The following CLCA4 variants were observed in gnomAD, a reference collection of about 807,000 sequenced individuals.
The protein encoded by CLCA4 is calcium-activated chloride channel regulator 4.
CLCA4 carries 69 observed loss-of-function variants against 78.9 expected under a neutral mutation model. That is an observed-to-expected ratio of 0.87 (90% CI 0.72 to 1.07). CLCA4 has a LOEUF of 1.07. Ranked by LOEUF, CLCA4 falls within the 50% of genes least tolerant of loss-of-function variation. The probability of loss-of-function intolerance (pLI) is 0.00; values close to 1 mark genes in which losing one functional copy is unlikely to be tolerated. For missense variants in CLCA4, 1,133 were observed against 1,095.8 expected, an observed-to-expected ratio of 1.03 and a Z score of -0.48; for synonymous variants, 362 against 375.8, an observed-to-expected ratio of 0.96 and a Z score of 0.42.
Position 86,565,826 on chromosome 1 carries a change from A to T in CLCA4, c.760A>T (p.Thr254Ser). ...GGTTGTTGAATTTTGTAACGAAAAA[A>T]CCCATAATCAAGAAGCTCCAAGCCT... ...DSVVEFCNEK[T>S]HNQEAPSLQN... Residue 254 changes from threonine to serine, a missense_variant, in exon 6 of 14, where the codon ACC becomes TCC. Physicochemically the swap from Thr to Ser is moderately conservative, Grantham distance 58. Coordinates refer to ENST00000370563, the MANE Select transcript of CLCA4 (RefSeq NM_012128.4). 1.3e-6 allele frequency: 2 copies of T among 1,538,648 alleles called. No individual in the cohort carries two copies. Among genetic ancestry groups the T allele is most frequent in the Non-Finnish European group, 1.7e-6 (2 of 1,143,514 alleles).
At chr1:86,574,930 T>C (rs1179880503) in intron 10 of CLCA4, among the ~76,000 whole-genome samples, 175 bp downstream of exon 10, 14 of 152,028 alleles carry the variant, frequency 9.2e-5, no homozygotes, top group Non-Finnish European at 5.9e-5. Flanking sequence ...AAAGAACTTA[T>C]ATATCAAGAA....
Position 86,579,462 on chromosome 1 carries a change from T to C in CLCA4, c.2231T>C (p.Val744Ala). The C allele has an allele frequency of 6.2e-7, 1 of 1,613,290 alleles. No homozygotes were observed. Among genetic ancestry groups the C allele is most frequent in the South Asian group, 1.1e-5 (1 of 91,072 alleles). The change falls in exon 13 of 14, where the codon GTC becomes GCC. Residue 744 changes from valine to alanine, a missense_variant. Coordinates refer to ENST00000370563, the MANE Select transcript of CLCA4 (RefSeq NM_012128.4). ...GGAGGTGCATTTGTGGTATCACAAG[T>C]CCCAAGCCTTCCCTTGCCTGACCAA... ...ASGGAFVVSQ[V>A]PSLPLPDQYP...
At chr1:86,554,907 A>C (rs928050519) in intron 1 of CLCA4, among the ~76,000 whole-genome samples, 1 of 151,128 alleles carries the variant, frequency 6.6e-6, no homozygotes, top group African/African-American at 2.4e-5. Flanking sequence ...AACTGGTATG[A>C]GATGATATCT....
Position 86,563,669 on chromosome 1 carries a change from T to C in CLCA4, c.457T>C (p.Phe153Leu). 1 of 1,569,342 alleles carries C rather than the reference T, an allele frequency of 6.4e-7. No individual in the cohort carries two copies. The highest frequency in any genetic ancestry group is 2.3e-5 in the East Asian group (1 of 43,544). The change falls in exon 4 of 14, where the codon TTT becomes CTT. Residue 153 changes from phenylalanine to leucine, a missense_variant. Phe to Leu is a conservative substitution (Grantham distance 22). Transcript: ENST00000370563. ...GAAATGCTTTCCCACAGGCAAACTGTTTGTCCATGAGTGGGCTCACCTCCG... is the reference window on the plus strand; with the variant it reads ...GAAATGCTTTCCCACAGGCAAACTGCTTGTCCATGAGTGGGCTCACCTCCG... ...QNEYGPPGKLFVHEWAHLRWG... is the reference protein window; with the variant it reads ...QNEYGPPGKLLVHEWAHLRWG...
At chr1:86,558,010 C>T (rs973617510) in intron 1 of CLCA4, among the ~76,000 whole-genome samples, 4 of 151,742 alleles carry the variant, frequency 2.6e-5, no homozygotes, top group African/African-American at 9.7e-5. Flanking sequence ...AGGATTACAA[C>T]CCCTGCTTTT....
At position 86,551,469 on chromosome 1, in the gene CLCA4, G is replaced by A. The variant is rs182289989; in HGVS notation, c.159+4191G>A. On this transcript the variant is annotated intron_variant, in intron 1 of 13. Transcript: ENST00000370563. ...ACAGGAAACACAAGAGGGGTGAGGC[G>A]GGGCAGGAGAGGAAGGTTGCAGGCA... Among the ~76,000 whole-genome samples, 171 of 152,256 alleles carry A rather than the reference G, an allele frequency of 1.1e-3. 2 individuals carry two copies. Among genetic ancestry groups the A allele is most frequent in the Non-Finnish European group, 2.6e-4 (18 of 68,010 alleles).
chr1:86,577,783 G>A (rs1650562694), intron 11 of CLCA4, 119 bp from the exon 12 acceptor site: 1 of 713,252 alleles, frequency 1.4e-6, no homozygotes, highest in African/African-American at 1.8e-5. Context: ...ATTCTCCAAA[G>A]GGTCAATCTA....
chr1:86,558,684 G>C (rs1649922374), intron 1 of CLCA4, among the ~76,000 whole-genome samples: 2 of 152,142 alleles, frequency 1.3e-5, no homozygotes, highest in Admixed American at 6.5e-5. Flanking sequence ...TGAGAGCCGA[G>C]CTAAGGGGGA....
rs1379215293 is a variant in CLCA4, at chr1:86,567,420, C to T, written c.955-4C>T. The T allele has an allele frequency of 6.3e-7, 1 of 1,585,614 alleles. No individual in the cohort carries two copies. Among genetic ancestry groups the T allele is most frequent in the East Asian group, 2.3e-5 (1 of 44,370 alleles). On this transcript the variant is annotated splice_polypyrimidine_tract_variant and splice_region_variant and intron_variant, in intron 6 of 13. Coordinates refer to ENST00000370563, the MANE Select transcript of CLCA4 (RefSeq NM_012128.4). Reference sequence around the variant, plus strand: ...TGTTTGTTTTTCTTGTCTTTTTAATCTAGGGTAAGGACCGCCTAAATCGAA... The same window carrying T: ...TGTTTGTTTTTCTTGTCTTTTTAATTTAGGGTAAGGACCGCCTAAATCGAA...
rs775339955 is a variant in CLCA4, at chr1:86,574,578, G to T, written c.1506G>T (p.Trp502Cys). ...SKGLTLNSNA[W>C]MNDTVIIDST... ...GATTAACACTGAATAGTAATGCCTGGATGAACGACACTGTCATAATTGATA... is the reference window on the plus strand; with the variant it reads ...GATTAACACTGAATAGTAATGCCTGTATGAACGACACTGTCATAATTGATA... The change falls in exon 10 of 14, where the codon TGG becomes TGT. Residue 502 changes from tryptophan (W) to cysteine (C), a missense_variant. By Grantham distance (215) the Trp-to-Cys change is radical. Transcript: ENST00000370563. 6.8e-6 allele frequency: 11 copies of T among 1,613,040 alleles called. No homozygotes were observed. The highest frequency in any genetic ancestry group is 8.5e-6 in the Non-Finnish European group (10 of 1,179,406).
chr1:86,577,228 A>C (rs1380891444), intron 11 of CLCA4, among the ~76,000 whole-genome samples: 1 of 152,060 alleles, frequency 6.6e-6, no homozygotes, highest in African/African-American at 2.4e-5. Flanking sequence ...GTAATTGGGG[A>C]AATTTGCTAA....
rs766688618 is a variant in CLCA4 at position 86,565,864 on chromosome 1, G to A, written c.798G>A (p.Lys266=). ...AAGCTCCAAGCCTACAAAACATAAA[G>A]TGCAATTTTAGAAGTACATGGGAGG... ...NQEAPSLQNI[K]CNFRSTWEVI... is the part of the protein sequence containing the mutation. The change falls in exon 6 of 14, where the codon AAG becomes AAA. Residue 266 remains lysine (K), a synonymous_variant. Coordinates refer to ENST00000370563, the MANE Select transcript of CLCA4 (RefSeq NM_012128.4). 4 of 1,606,032 alleles carry A rather than the reference G, an allele frequency of 2.5e-6. No homozygotes were observed. The highest frequency in any genetic ancestry group is 3.4e-6 in the Non-Finnish European group (4 of 1,175,404).
At chr1:86,570,981 T>A (rs1395351778) in intron 7 of CLCA4, 96 bp from the exon 8 acceptor site, 1 of 853,584 alleles carries the variant, frequency 1.2e-6, no homozygotes, top group Non-Finnish European at 1.8e-6. Flanking sequence ...TCTGCATAAC[T>A]TTGTTTATTT....
intron 1 of CLCA4, among the ~76,000 whole-genome samples, chr1:86,554,235 A>C (rs1649761453): frequency 6.6e-6 from 1 of 152,132 alleles, no homozygotes; most frequent in Non-Finnish European, 1.5e-5. Context: ...ATAAGTGAGA[A>C]CATGTAGTAT....
In CLCA4 at chr1:86,577,887, C is replaced by T; in HGVS notation, c.1952-15C>T. 1 of 1,599,924 alleles carries T rather than the reference C, an allele frequency of 6.3e-7. No individual in the cohort carries two copies. The highest frequency in any genetic ancestry group is 8.5e-7 in the Non-Finnish European group (1 of 1,173,650). On this transcript the variant is annotated splice_polypyrimidine_tract_variant and intron_variant, in intron 11 of 13. Transcript: ENST00000370563. ...TTCTCTTTACAAGACTTTATTCCTT[C>T]ATTTCTATAACAAGGCGCTGATTCT...
At position 86,565,926 on chromosome 1, in the gene CLCA4, C is replaced by A. The variant is rs780779596; in HGVS notation, c.860C>A (p.Pro287His). The part of the protein sequence containing the change: ...SNSEDFKNTI[P>H]MVTPPPPPVF... ...TCTGAGGATTTTAAAAACACCATACCCATGGTGACACCACCTCCTCCACCT... is the reference window on the plus strand; with the variant it reads ...TCTGAGGATTTTAAAAACACCATACACATGGTGACACCACCTCCTCCACCT... The change falls in exon 6 of 14, where the codon CCC becomes CAC. Residue 287 changes from proline (P) to histidine (H), a missense_variant. Transcript: ENST00000370563. 4 of 1,612,660 alleles carry A rather than the reference C, an allele frequency of 2.5e-6. No individual in the cohort carries two copies. The South Asian group carries it at 3.3e-5, about 13-fold the overall frequency.
chr1:86,575,136 C>T (rs114473518), intron 10 of CLCA4, among the ~76,000 whole-genome samples, 196 bp from the exon 11 acceptor site: 275 of 152,100 alleles, frequency 1.8e-3, no homozygotes, highest in African/African-American at 6.1e-3. Flanking sequence ...TGAGATGTAG[C>T]GAAGTGTACA....
chr1:86,574,468 T>C (rs1322938957), intron 9 of CLCA4, 72 bp from the exon 10 acceptor site: 8 of 1,300,078 alleles, frequency 6.2e-6, no homozygotes, highest in Non-Finnish European at 8.8e-6. Flanking sequence ...GGCCAGAAAT[T>C]AAAAACCATC....
At chr1:86,550,528 C>G (rs1306565895) in intron 1 of CLCA4, among the ~76,000 whole-genome samples, 3 of 151,810 alleles carry the variant, frequency 2.0e-5, no homozygotes, top group East Asian at 1.9e-4. Flanking sequence ...AAAATCTTCG[C>G]GTTTAATATC....
Sources: gnomAD v4.1 joint callset for allele counts (sites outside exome capture counted in the v4.1 genomes callset) on GRCh38, gnomAD v4.1.1 for gene constraint, MANE v1.5 for transcripts, NCBI Gene and HGNC (gene_info 2026-07-23, HGNC 2026-07-21) for gene names.